Variants in TIAM1 observed in about 807,000 individuals in gnomAD.
The protein encoded by TIAM1 is TIAM Rac1 associated GEF 1, also known as rho guanine nucleotide exchange factor TIAM1.
In TIAM1, 65 loss-of-function variants were observed where a neutral mutation model predicts 163.5. That is an observed-to-expected ratio of 0.40 (90% CI 0.33 to 0.49). TIAM1 has a LOEUF of 0.49. TIAM1 is among the 20% of genes least tolerant of loss of function. TIAM1 has a pLI of 0.77. For synonymous variants in TIAM1, 833 were observed against 810.1 expected (o/e 1.03, Z -0.48); for missense variants, 1,789 against 2,044.7 (o/e 0.87, Z 2.41).
intron 15 of TIAM1, among the ~76,000 whole-genome samples, chr21:31,170,542 A>T (rs935941627): frequency 1.3e-5 from 2 of 152,200 alleles, no homozygotes; most frequent in Admixed American, 1.3e-4. Context: ...AAGAAAAACA[A>T]GATTAGGGTA....
At chr21:31,281,085 C>CAA (rs748020575) in intron 2 of TIAM1, among the ~76,000 whole-genome samples, 2,013 of 62,940 alleles carry the variant, frequency 0.032, 51 homozygotes, top group African/African-American at 0.061. Context: ...GACCCTAACT[C>CAA]AAAAAAAAAA....
intron 23 of TIAM1, among the ~76,000 whole-genome samples, chr21:31,134,725 A>G (rs908186834): frequency 1.3e-5 from 2 of 152,120 alleles, no homozygotes; most frequent in African/African-American, 4.8e-5. Context: ...TAGCCAGGCT[A>G]GTCTTGAACT....
intron 1 of TIAM1, among the ~76,000 whole-genome samples, chr21:31,517,616 C>T (rs916217082): frequency 6.6e-6 from 1 of 152,028 alleles, no homozygotes; most frequent in Non-Finnish European, 1.5e-5. Context: ...CAAGGAATGC[C>T]GGTACCATGG....
chr21:31,542,405 G>A (rs1244463634), intron 1 of TIAM1, among the ~76,000 whole-genome samples: 5 of 150,650 alleles, frequency 3.3e-5, no homozygotes, highest in Admixed American at 6.6e-5. Context: ...CCAGCCTGGG[G>A]GATAGAGCGA....
At chr21:31,471,876 T>TAAC (rs1602362779) in intron 1 of TIAM1, among the ~76,000 whole-genome samples, 1 of 66,488 alleles carries the variant, frequency 1.5e-5, no homozygotes, top group Non-Finnish European at 3.3e-5. Flanking sequence ...TCTCAAATAA[T>TAAC]AATAATAATA....
intron 1 of TIAM1, among the ~76,000 whole-genome samples, chr21:31,549,075 A>G (rs1444213906): frequency 8.5e-5 from 13 of 152,220 alleles, no homozygotes; most frequent in Non-Finnish European, 1.2e-4. Context: ...CTCATTGCAA[A>G]TATTTCCTTC....
At chr21:31,318,329 T>C (rs1340586082) in intron 2 of TIAM1, among the ~76,000 whole-genome samples, 4 of 152,226 alleles carry the variant, frequency 2.6e-5, no homozygotes, top group Non-Finnish European at 4.4e-5. Context: ...GGTTTCGAAC[T>C]CCTGAGCTCA....
At chr21:31,251,598 C>G (rs2071806755) in intron 5 of TIAM1, 144 bp downstream of exon 5, 2 of 867,498 alleles carry the variant, frequency 2.3e-6, no homozygotes, top group Non-Finnish European at 3.5e-6. Flanking sequence ...AGTGCTCTTA[C>G]TATGATAAAT....
chr21:31,486,106 C>A (rs1033677453), intron 1 of TIAM1, among the ~76,000 whole-genome samples: 3 of 152,164 alleles, frequency 2.0e-5, no homozygotes, highest in Non-Finnish European at 4.4e-5. Context: ...GAGGATTCAC[C>A]ATTCAAAACC....
intron 2 of TIAM1, among the ~76,000 whole-genome samples, chr21:31,394,714 T>G (rs1305823979): frequency 8.4e-6 from 1 of 118,490 alleles, no homozygotes; most frequent in African/African-American, 3.4e-5. Flanking sequence ...TCTCGCTCTC[T>G]CTCTCTCTCT....
At chr21:31,132,543 G>C (rs2082452677) in intron 23 of TIAM1, among the ~76,000 whole-genome samples, 1 of 152,114 alleles carries the variant, frequency 6.6e-6, no homozygotes, top group African/African-American at 2.4e-5. Context: ...TCTTAGAAAT[G>C]AAAGAGCTCT....
intron 3 of TIAM1, among the ~76,000 whole-genome samples, chr21:31,275,549 T>C (rs1263927986): frequency 1.3e-5 from 2 of 152,238 alleles, no homozygotes; most frequent in Non-Finnish European, 2.9e-5. Context: ...CCTCTCATTG[T>C]ATCTATGGCA....
At chr21:31,187,714 G>A (rs1035477283) in intron 13 of TIAM1, among the ~76,000 whole-genome samples, 13 of 152,050 alleles carry the variant, frequency 8.5e-5, no homozygotes, top group African/African-American at 3.1e-4. Flanking sequence ...TTAACCCTGG[G>A]CTCTGCTACA....
chr21:31,391,171 G>A (rs932905516), intron 2 of TIAM1, among the ~76,000 whole-genome samples: 7 of 152,094 alleles, frequency 4.6e-5, no homozygotes, highest in South Asian at 2.1e-4. Context: ...CTTTGTGTAC[G>A]CTGTTGTGTC....
At chr21:31,460,964 T>C (rs951062978) in intron 2 of TIAM1, among the ~76,000 whole-genome samples, 2 of 152,150 alleles carry the variant, frequency 1.3e-5, no homozygotes, top group African/African-American at 2.4e-5. Context: ...GCACACAATA[T>C]AGCCAAAGGA....
intron 19 of TIAM1, among the ~76,000 whole-genome samples, chr21:31,148,723 C>A (rs1046368116): frequency 2.6e-5 from 4 of 152,116 alleles, no homozygotes; most frequent in African/African-American, 9.7e-5. Flanking sequence ...AAAATTGATT[C>A]TCAGGGAACA....
chr21:31,155,418 T>A (rs546037964), intron 16 of TIAM1, among the ~76,000 whole-genome samples: 1 of 152,250 alleles, frequency 6.6e-6, no homozygotes, highest in Non-Finnish European at 1.5e-5. Context: ...TCTGTGTAAT[T>A]GCTCTAGAGG....
At chr21:31,421,607 T>C (rs891539793) in intron 2 of TIAM1, among the ~76,000 whole-genome samples, 20 of 152,348 alleles carry the variant, frequency 1.3e-4, no homozygotes, top group African/African-American at 4.8e-4. Context: ...AGTTTCATTC[T>C]GAAACCTTGG....
chr21:31,539,431 A>G (rs1036584235), intron 1 of TIAM1, among the ~76,000 whole-genome samples: 1 of 150,308 alleles, frequency 6.7e-6, no homozygotes, highest in African/African-American at 2.5e-5. Flanking sequence ...ACACCCGGCT[A>G]ATTTTTTGTA....
Sources: gnomAD v4.1 joint callset for allele counts (sites outside exome capture counted in the v4.1 genomes callset) on GRCh38, gnomAD v4.1.1 for gene constraint, MANE v1.5 for transcripts, NCBI Gene and HGNC (gene_info 2026-07-23, HGNC 2026-07-21) for gene names.